The following NLGN1 variants were observed in gnomAD, a reference collection of about 807,000 sequenced individuals.
The protein encoded by NLGN1 is neuroligin-1.
In NLGN1, 12 loss-of-function variants were observed where a neutral mutation model predicts 65.5. That is an observed-to-expected ratio of 0.18 (90% CI 0.12 to 0.30). The LOEUF is 0.30. Among genes scored for constraint, NLGN1 ranks in the 10% least tolerant of loss-of-function variants. The probability of loss-of-function intolerance (pLI) is 1.00; values close to 1 mark genes in which losing one functional copy is unlikely to be tolerated. For missense variants in NLGN1, 750 were observed against 1,007.1 expected (o/e 0.74, Z 3.46); for synonymous variants, 350 against 359.5 (o/e 0.97, Z 0.30).
chr3:173,691,281 C>A (rs1765427122), intron 3 of NLGN1, among the ~76,000 whole-genome samples: 1 of 152,048 alleles, frequency 6.6e-6, no homozygotes, highest in African/African-American at 2.4e-5. Context: ...TGAAGCTTTT[C>A]CAATGATTCA....
chr3:173,468,048 A>C (rs1305868158), intron 2 of NLGN1, among the ~76,000 whole-genome samples: 1 of 152,144 alleles, frequency 6.6e-6, no homozygotes, highest in East Asian at 1.9e-4. Flanking sequence ...GTCTCAGACA[A>C]ACACATACTA....
intron 3 of NLGN1, among the ~76,000 whole-genome samples, chr3:173,608,081 G>T (rs908380978): frequency 6.6e-6 from 1 of 151,734 alleles, no homozygotes; most frequent in Non-Finnish European, 1.5e-5. Context: ...AAAGAGCAAA[G>T]TATTTTCTGT....
intron 4 of NLGN1, among the ~76,000 whole-genome samples, chr3:174,085,725 AT>A (rs1743100857): frequency 6.6e-6 from 1 of 152,144 alleles, no homozygotes; most frequent in East Asian, 1.9e-4. Flanking sequence ...CAAATTTCTA[AT>A]TTTTAATCTG....
chr3:173,765,484 C>T lies in NLGN1; in HGVS notation c.494-42196C>T, dbSNP rs1046258919. On this transcript the variant is annotated intron_variant, in intron 3 of 6. Coordinates refer to ENST00000457714, the Ensembl canonical transcript of NLGN1. ...CAAGAAGGAGAAAAAAATAACTGGACTCCCTTGTCTTTCTGTTTTGAAATT... is the reference window on the plus strand; with the variant it reads ...CAAGAAGGAGAAAAAAATAACTGGATTCCCTTGTCTTTCTGTTTTGAAATT... Among the ~76,000 whole-genome samples the T allele has an allele frequency of 4.6e-5, 7 of 152,136 alleles. No homozygotes were observed. In the South Asian group the frequency reaches 6.2e-4, roughly 14 times the overall value.
intron 3 of NLGN1, among the ~76,000 whole-genome samples, chr3:173,771,917 T>C (rs1779651737): frequency 1.3e-5 from 2 of 151,924 alleles, no homozygotes; most frequent in South Asian, 4.1e-4. Flanking sequence ...AATTCTAACT[T>C]TAATATGTTG....
chr3:173,839,092 C>T (rs1279405142), intron 4 of NLGN1, among the ~76,000 whole-genome samples: 4 of 136,010 alleles, frequency 2.9e-5, no homozygotes, highest in African/African-American at 5.4e-5. Flanking sequence ...AATTGGATGA[C>T]TTTTTTTTTT....
chr3:174,051,981 C>T (rs1271246558), intron 4 of NLGN1, among the ~76,000 whole-genome samples: 1 of 145,448 alleles, frequency 6.9e-6, no homozygotes, highest in East Asian at 2.0e-4. Context: ...ATAAAGAACC[C>T]CCTCTCCTCT....
intron 4 of NLGN1, among the ~76,000 whole-genome samples, chr3:174,145,993 G>A (rs1312990300): frequency 6.6e-6 from 1 of 152,148 alleles, no homozygotes; most frequent in Non-Finnish European, 1.5e-5. Context: ...CTGCTCACAC[G>A]CATTCACAAA....
At chr3:174,000,716 T>C (rs978950794) in intron 4 of NLGN1, among the ~76,000 whole-genome samples, 2 of 152,088 alleles carry the variant, frequency 1.3e-5, no homozygotes, top group African/African-American at 2.4e-5. Context: ...TGCTGGAGGA[T>C]GGTAAAGATG....
chr3:174,190,482 CTT>C (rs1732182473), intron 4 of NLGN1, among the ~76,000 whole-genome samples: 1 of 151,786 alleles, frequency 6.6e-6, no homozygotes, highest in African/African-American at 2.4e-5. Context: ...TAAAATTAAA[CTT>C]ATTAGACTTA....
chr3:174,207,539 C>G (rs1735658230), intron 4 of NLGN1, among the ~76,000 whole-genome samples: 2 of 152,180 alleles, frequency 1.3e-5, no homozygotes, highest in South Asian at 4.1e-4. Flanking sequence ...AATGTGTGAA[C>G]TGAATGGACT....
At chr3:174,162,991 T>G (rs1191908143) in intron 4 of NLGN1, among the ~76,000 whole-genome samples, 1 of 151,902 alleles carries the variant, frequency 6.6e-6, no homozygotes, top group Non-Finnish European at 1.5e-5. Context: ...ACTCACATCT[T>G]TAGCCACTAC....
At chr3:173,905,304 T>G (rs1738162223) in intron 4 of NLGN1, among the ~76,000 whole-genome samples, 1 of 152,214 alleles carries the variant, frequency 6.6e-6, no homozygotes, top group Admixed American at 6.5e-5. Flanking sequence ...CAACTTCAGC[T>G]GAATTGTTAA....
Position 173,552,418 on chromosome 3 carries a change from A to T in NLGN1, c.-320-51861A>T, listed in dbSNP as rs529806536. Among the ~76,000 whole-genome samples, 6 of 152,190 alleles carry T rather than the reference A, an allele frequency of 3.9e-5. No individual in the cohort carries two copies. The East Asian group carries it at 1.2e-3, about 29-fold the overall frequency. The stretch of plus-strand genomic sequence containing the variant: ...TTGTTAGCAGTGGAGACCTAATATG[A>T]GTGCCTCTAATTTTTCCTACAAATT... On this transcript the variant is annotated intron_variant, in intron 2 of 6. Transcript: ENST00000457714.
intron 3 of NLGN1, among the ~76,000 whole-genome samples, chr3:173,783,678 G>A (rs923948498): frequency 5.3e-5 from 8 of 152,168 alleles, no homozygotes; most frequent in African/African-American, 1.4e-4. Flanking sequence ...GCAGTGGCAC[G>A]ATTTTGGCTC....
rs1232570668 is a variant in NLGN1, at chr3:174,265,769, A to ATATATG, written c.647-9541_647-9540insGTATAT. Among the ~76,000 whole-genome samples, 322 of 117,680 alleles carry ATATATG rather than the reference A, an allele frequency of 2.7e-3. 1 individual carries two copies. The highest frequency in any genetic ancestry group is 9.6e-3 in the African/African-American group (275 of 28,672). The allele number at this position is 117,680 out of a possible 152,430, so 77.2% of individuals were successfully genotyped here. ...CTACCTAAAACTAAGAAGGCTATAT[A>ATATATG]TATATATATATATGTATATATATAT... is the stretch of plus-strand genomic sequence containing the variant. On this transcript the variant is annotated intron_variant, in intron 4 of 6. Coordinates refer to ENST00000457714, the Ensembl canonical transcript of NLGN1.
chr3:174,260,712 G>T (rs369367385), intron 4 of NLGN1, among the ~76,000 whole-genome samples: 16 of 148,308 alleles, frequency 1.1e-4, no homozygotes, highest in Admixed American at 6.1e-4. Flanking sequence ...GTCAATTTTG[G>T]CTTTTGTTGC....
intron 4 of NLGN1, among the ~76,000 whole-genome samples, chr3:174,270,924 T>C (rs2152877441): frequency 6.6e-6 from 1 of 151,896 alleles, no homozygotes; most frequent in South Asian, 2.1e-4. Flanking sequence ...CGATCCATAT[T>C]CCCAAGTCCC....
chr3:173,654,871 A>G (rs1759744916), intron 3 of NLGN1, among the ~76,000 whole-genome samples: 1 of 152,044 alleles, frequency 6.6e-6, no homozygotes, highest in Non-Finnish European at 1.5e-5. Context: ...TGGATGATGT[A>G]TTTTTCTCTG....
Sources: gnomAD v4.1 joint callset for allele counts (sites outside exome capture counted in the v4.1 genomes callset) on GRCh38, gnomAD v4.1.1 for gene constraint, MANE v1.5 for transcripts, NCBI Gene and HGNC (gene_info 2026-07-23, HGNC 2026-07-21) for gene names.